The following MMP24 variants were observed in gnomAD, a reference collection of about 807,000 sequenced individuals.
MMP24 encodes matrix metalloproteinase-24.
MMP24 carries 25 observed loss-of-function variants against 62.8 expected under a neutral mutation model. The observed-to-expected ratio is 0.40, with a 90% CI of 0.29 to 0.56. The LOEUF is 0.56. Among genes scored for constraint, MMP24 ranks in the 20% least tolerant of loss-of-function variants. The probability of loss-of-function intolerance (pLI) is 0.50; values close to 1 mark genes in which losing one functional copy is unlikely to be tolerated. For synonymous variants in MMP24, 319 were observed against 350.5 expected, an observed-to-expected ratio of 0.91 and a Z score of 1.00; for missense variants, 634 against 853.6, an observed-to-expected ratio of 0.74 and a Z score of 3.21.
intron 2 of MMP24, among the ~76,000 whole-genome samples, chr20:35,250,870 C>T (rs757235960): frequency 6.6e-5 from 10 of 152,174 alleles, no homozygotes; most frequent in Admixed American, 2.0e-4. Flanking sequence ...CACCTCCCAC[C>T]AGGCCCCGCC....
rs577550760 is a variant in MMP24, at chr20:35,251,874, A to G, written c.396-31A>G. On this transcript the variant is annotated intron_variant, in intron 2 of 8. Transcript: ENST00000246186. ...AAAGTGTTCAGTGACCACAGTGCAT[A>G]TGCGTGTGTGTGTGTCCTCTCTCTG... 12 of 1,538,986 alleles carry G rather than the reference A, an allele frequency of 7.8e-6. No individual in the cohort carries two copies. The South Asian group carries it at 1.3e-4, about 17-fold the overall frequency.
At chr20:35,239,888 T>C (rs1018632317) in intron 1 of MMP24, among the ~76,000 whole-genome samples, 3 of 152,162 alleles carry the variant, frequency 2.0e-5, no homozygotes, top group Admixed American at 6.5e-5. Flanking sequence ...CATATGAGGC[T>C]GCTGGTTTGG....
chr20:35,226,852 G>T lies in MMP24; in HGVS notation c.114G>T (p.Leu38=). ...GGGTCCCTGGGCGGCTGCTGCTGCT[G>T]CTGCTGCCCGCGCTCTGCTGCCTCC... ...RWRVPGRLLL[L]LLPALCCLPG... is the part of the protein sequence containing the mutation. The change falls in exon 1 of 9, where the codon CTG becomes CTT. Residue 38 remains leucine (L), a synonymous_variant. Coordinates refer to ENST00000246186, the MANE Select transcript of MMP24 (RefSeq NM_006690.4). The T allele has an allele frequency of 1.0e-6, 1 of 979,464 alleles. No individual in the cohort carries two copies. The highest frequency in any genetic ancestry group is 1.2e-6 in the Non-Finnish European group (1 of 827,898). The allele number at this position is 979,464 out of a possible 1,614,324, so 60.7% of individuals were successfully genotyped here. A position where few individuals can be genotyped will look rare whatever the true frequency, so the allele number is the denominator to read the frequency against.
At chr20:35,260,818 C>T (rs566864181) in intron 4 of MMP24, among the ~76,000 whole-genome samples, 4 of 152,294 alleles carry the variant, frequency 2.6e-5, no homozygotes, top group South Asian at 4.1e-4. Flanking sequence ...ATGTACTGCC[C>T]GTGGCCTGGG....
chr20:35,271,814 G>A lies in MMP24; in HGVS notation c.1579G>A (p.Ala527Thr). 6.2e-7 allele frequency: 1 copy of A among 1,610,128 alleles called. No individual in the cohort carries two copies. The highest frequency in any genetic ancestry group is 8.5e-7 in the Non-Finnish European group (1 of 1,178,796). The change falls in exon 8 of 9, where the codon GCC (alanine) becomes ACC (threonine). Residue 527 changes from alanine to threonine, a missense_variant. Physicochemically the swap from Ala to Thr is moderately conservative, Grantham distance 58 (BLOSUM62 0). Around this residue, in one of 3 missense-constraint regions of MMP24, gnomAD observed 399 missense variants for 530.8 expected, o/e 0.75. Transcript: ENST00000246186. The surrounding 1 kb of genome is among the most constrained non-coding windows in gnomAD (Gnocchi z 4.0). ...GGGCATCCCACAGGCTCCCCAAGGA[G>A]CCTTCATCAGCAAGGAAGGATGTAC... ...WKGIPQAPQG[A>T]FISKEGYYTY...
intron 4 of MMP24, among the ~76,000 whole-genome samples, chr20:35,258,480 C>T (rs1338811399): frequency 6.6e-6 from 1 of 152,176 alleles, no homozygotes; most frequent in African/African-American, 2.4e-5. Flanking sequence ...ACACGTTTCC[C>T]TCCATATATT....
chr20:35,246,995 T>C lies in MMP24; in HGVS notation c.395+7T>C, dbSNP rs769207321. 35 of 1,613,880 alleles carry C rather than the reference T, an allele frequency of 2.2e-5. No homozygotes were observed. Among genetic ancestry groups the C allele is most frequent in the Non-Finnish European group, 3.0e-5 (35 of 1,179,896 alleles). The stretch of plus-strand genomic sequence containing the variant: ...TGGATCAGACAACGATCGAGTAAGA[T>C]TTCCATAGGACATTGTGCCTTTGAA... On this transcript the variant is annotated splice_region_variant and intron_variant, in intron 2 of 8. Transcript: ENST00000246186.
At chr20:35,233,439 G>A (rs2060446930) in intron 1 of MMP24, among the ~76,000 whole-genome samples, 1 of 152,078 alleles carries the variant, frequency 6.6e-6, no homozygotes, top group Non-Finnish European at 1.5e-5. Flanking sequence ...GTCCACTCAG[G>A]AGTCAGTTAT....
intron 2 of MMP24, among the ~76,000 whole-genome samples, chr20:35,249,141 G>A (rs1329023644): frequency 6.6e-6 from 1 of 152,174 alleles, no homozygotes; most frequent in African/African-American, 2.4e-5. Flanking sequence ...GATGGGGAGT[G>A]TTCAGGGTAG....
rs372495279 is a variant in MMP24 at position 35,271,653 on chromosome 20, G to A, written c.1418G>A (p.Arg473His). 73 of 1,610,034 alleles carry A rather than the reference G, an allele frequency of 4.5e-5. No homozygotes were observed. The highest frequency in any genetic ancestry group is 3.3e-4 in the East Asian group (15 of 44,778). ...GGGGAGCTGGGCAGCTGTTTGCCCC[G>A]TGAAGGCATTGACACAGCTCTGCGC... ...SLGELGSCLP[R>H]EGIDTALRWE... Residue 473 changes from arginine to histidine, a missense_variant, in exon 8 of 9, where the codon CGT becomes CAT. This residue lies in a region of MMP24 where 399 missense variants were observed against 530.8 expected (regional missense o/e 0.75). Transcript: ENST00000246186. This position sits in a 1 kb window ranked among gnomAD's most constrained non-coding sequence, Gnocchi z 4.0.
chr20:35,243,168 G>A (rs2060497471), intron 1 of MMP24, among the ~76,000 whole-genome samples: 1 of 151,942 alleles, frequency 6.6e-6, no homozygotes, highest in Non-Finnish European at 1.5e-5. Flanking sequence ...AAGAGAGCAA[G>A]ACTTCATCTC....
chr20:35,235,464 G>A (rs2060458290), intron 1 of MMP24, among the ~76,000 whole-genome samples: 1 of 152,168 alleles, frequency 6.6e-6, no homozygotes, highest in African/African-American at 2.4e-5. Flanking sequence ...GGGAGGCTGA[G>A]GTGGGTGGAT....
Position 35,257,281 on chromosome 20 carries a change from C to T in MMP24, c.817+2527C>T, listed in dbSNP as rs181447588. On this transcript the variant is annotated intron_variant, in intron 4 of 8. Transcript: ENST00000246186. ...CCTCTTCTTTCTTCAGATTTTTGTCCTCTTTCCTATTGAACTCCGTTTCCT... is the reference window on the plus strand; with the variant it reads ...CCTCTTCTTTCTTCAGATTTTTGTCTTCTTTCCTATTGAACTCCGTTTCCT... Among the ~76,000 whole-genome samples, 152 of 152,270 alleles carry T rather than the reference C, an allele frequency of 1.0e-3. 1 individual carries two copies. Among genetic ancestry groups the T allele is most frequent in the Middle Eastern group, 6.8e-3 (2 of 294 alleles).
chr20:35,264,663 G>C (rs73616647), intron 5 of MMP24, among the ~76,000 whole-genome samples: 144 of 121,596 alleles, frequency 1.2e-3, no homozygotes, highest in African/African-American at 3.7e-3. Context: ...AGCTGAGATC[G>C]CACCACTGCA....
chr20:35,234,405 G>A lies in MMP24; in HGVS notation c.246+7421G>A, dbSNP rs185583318. Among the ~76,000 whole-genome samples, 7 of 152,310 alleles carry A rather than the reference G, an allele frequency of 4.6e-5. No individual in the cohort carries two copies. The East Asian group carries it at 1.3e-3, about 29-fold the overall frequency. On this transcript the variant is annotated intron_variant, in intron 1 of 8. Transcript: ENST00000246186. ...CCGGCTGTAACTTCCATGAGGATGAGTTCAAAGGGGACTACAGGCATGTAA... is the reference window on the plus strand; with the variant it reads ...CCGGCTGTAACTTCCATGAGGATGAATTCAAAGGGGACTACAGGCATGTAA...
At chr20:35,243,129 A>C (rs374949388) in intron 1 of MMP24, among the ~76,000 whole-genome samples, 1 of 151,834 alleles carries the variant, frequency 6.6e-6, no homozygotes, top group African/African-American at 2.4e-5. Context: ...CAGTGAGCCG[A>C]GATCACACCA....
chr20:35,240,132 C>T (rs778637984), intron 1 of MMP24, among the ~76,000 whole-genome samples: 1 of 152,188 alleles, frequency 6.6e-6, no homozygotes, highest in Non-Finnish European at 1.5e-5. Context: ...TCTTGCCACC[C>T]CCATTGCCAC....
intron 1 of MMP24, among the ~76,000 whole-genome samples, chr20:35,242,602 CAAGCT>C (rs1356431611): frequency 6.6e-6 from 1 of 152,168 alleles, no homozygotes; most frequent in Admixed American, 6.5e-5. Context: ...ACATTTTCCT[CAAGCT>C]AAAGCCTAAT....
rs1230191903 is a variant in MMP24 at position 35,274,754 on chromosome 20, C to T, written c.*145C>T. ...ACAGCTGAAGTGGTGGGTGCATTGG[C>T]CTAGGCTGAGCGTGGGGCAGGGAAT... On this transcript the variant is annotated 3_prime_UTR_variant, in exon 9 of 9. Transcript: ENST00000246186. This position sits in a 1 kb window ranked among gnomAD's most constrained non-coding sequence, Gnocchi z 5.1. 5 of 736,524 alleles carry T rather than the reference C, an allele frequency of 6.8e-6. No homozygotes were observed. The African/African-American group carries it at 7.1e-5, about 10-fold the overall frequency. The allele number at this position is 736,524 out of a possible 1,614,324, so 45.6% of individuals were successfully genotyped here.
Sources: gnomAD v4.1 joint callset for allele counts (sites outside exome capture counted in the v4.1 genomes callset) on GRCh38, gnomAD v4.1.1 for gene constraint, gnomAD v4.1.1 regional missense constraint, Gnocchi (gnomAD v3.1) non-coding constraint, MANE v1.5 for transcripts, NCBI Gene and HGNC (gene_info 2026-07-23, HGNC 2026-07-21) for gene names.